The following SNX16 variants were observed in gnomAD, a reference collection of about 807,000 sequenced individuals.
SNX16 encodes sorting nexin-16.
SNX16 carries 35 observed loss-of-function variants against 36.7 expected under a neutral mutation model. The ratio of observed to expected loss-of-function variants is 0.95; its 90% CI spans 0.73 to 1.27. SNX16 has a LOEUF of 1.27. Ranked by LOEUF, SNX16 falls within the 50% of genes most tolerant of loss-of-function variation. The pLI is 0.00. For synonymous variants in SNX16, 134 were observed against 132.0 expected (o/e 1.02, Z -0.10); for missense variants, 367 against 393.6 (o/e 0.93, Z 0.57).
At chr8:81,809,561 G>A (rs1810127954) in intron 5 of SNX16, among the ~76,000 whole-genome samples, 1 of 152,038 alleles carries the variant, frequency 6.6e-6, no homozygotes, top group African/African-American at 2.4e-5. Flanking sequence ...ATGTGACAAA[G>A]AATGTGCAGC....
chr8:81,808,401 G>C (rs1167088702), intron 5 of SNX16: 1 of 1,246,188 alleles, frequency 8.0e-7, no homozygotes, highest in Non-Finnish European at 1.2e-6. Context: ...AGGTGTTTTC[G>C]GTGGGAATGA....
intron 4 of SNX16, among the ~76,000 whole-genome samples, chr8:81,818,632 A>G (rs999812066): frequency 1.3e-5 from 2 of 152,148 alleles, no homozygotes; most frequent in Non-Finnish European, 2.9e-5. Flanking sequence ...TGAAATGACA[A>G]GTAACTTTTT....
Position 81,801,068 on chromosome 8 carries a change from A to G in SNX16, c.*429T>C, listed in dbSNP as rs1809663926. 6.6e-6 allele frequency: 1 copy of G among 152,384 alleles called. No homozygotes were observed. The highest frequency in any genetic ancestry group is 2.4e-5 in the African/African-American group (1 of 41,454). 9.4% of individuals were successfully genotyped at this position (152,384 alleles called of 1,614,324 possible). ...GGTCACTGATTTAAACTATTAATGA[A>G]AATATGTCATGTCAGAGATATAAAG... On this transcript the variant is annotated 3_prime_UTR_variant, in exon 8 of 8. Transcript: ENST00000345957.
intron 4 of SNX16, 162 bp from the exon 5 acceptor site, chr8:81,815,556 A>C (rs2130660276): frequency 4.1e-6 from 2 of 491,410 alleles, no homozygotes; most frequent in East Asian, 6.7e-5. Flanking sequence ...AGATGCAAAG[A>C]TCTTAAGGTG....
intron 5 of SNX16, among the ~76,000 whole-genome samples, chr8:81,809,782 A>T (rs1290516292): frequency 6.6e-6 from 1 of 152,234 alleles, no homozygotes; most frequent in Non-Finnish European, 1.5e-5. Context: ...TATGCAGTGA[A>T]GTTGAAGAGG....
At chr8:81,802,638 G>T in intron 6 of SNX16, 139 bp from the exon 7 acceptor site, 1 of 571,228 alleles carries the variant, frequency 1.8e-6, no homozygotes, top group Non-Finnish European at 2.8e-6. Context: ...AGCTCACTTT[G>T]GAAGTCAACA....
chr8:81,829,818 A>T (rs903185250), intron 2 of SNX16, among the ~76,000 whole-genome samples: 2 of 152,174 alleles, frequency 1.3e-5, no homozygotes, highest in African/African-American at 2.4e-5. Context: ...AAAATTGATT[A>T]AAAAATTATA....
At chr8:81,815,419 T>C (rs1316460889) in intron 4 of SNX16, 25 bp from the exon 5 acceptor site, 1 of 1,599,972 alleles carries the variant, frequency 6.3e-7, no homozygotes, top group Non-Finnish European at 8.5e-7. Context: ...AAAAAAATGA[T>C]CTGAAGTACA....
intron 3 of SNX16, 140 bp downstream of exon 3, chr8:81,829,290 A>AAAATTTTTTATAAAAATTTTTATTTTT (rs1811144747): frequency 2.0e-5 from 4 of 201,854 alleles, no homozygotes; most frequent in East Asian, 1.2e-4. Flanking sequence ...TTTTTATTTT[A>AAAATTTTTTATAAAAATTTTTATTTTT]AAAATTTATT....
chr8:81,808,871 T>C, intron 5 of SNX16: 1 of 667,284 alleles, frequency 1.5e-6, no homozygotes, highest in Non-Finnish European at 2.7e-6. Context: ...TTTAGACAAA[T>C]ACTCATGTGC....
chr8:81,819,881 T>A (rs1022116355), intron 4 of SNX16, among the ~76,000 whole-genome samples: 1 of 152,092 alleles, frequency 6.6e-6, no homozygotes, highest in Non-Finnish European at 1.5e-5. Context: ...TGTTAAGAGT[T>A]GGAGAATATG....
intron 5 of SNX16, among the ~76,000 whole-genome samples, chr8:81,809,744 A>G (rs1194828583): frequency 2.6e-5 from 4 of 152,236 alleles, no homozygotes; most frequent in African/African-American, 7.2e-5. Context: ...ACAAACTGAT[A>G]TAACAAATTT....
At chr8:81,832,043 A>C (rs1586016693) in intron 2 of SNX16, among the ~76,000 whole-genome samples, 1 of 152,222 alleles carries the variant, frequency 6.6e-6, no homozygotes, top group East Asian at 1.9e-4. Context: ...CCCATTTGAC[A>C]CAGCAATCCC....
At chr8:81,816,176 A>ATTTTTTT (rs1412960282) in intron 4 of SNX16, among the ~76,000 whole-genome samples, 3 of 127,132 alleles carry the variant, frequency 2.4e-5, no homozygotes, top group East Asian at 2.6e-4. Flanking sequence ...TTTACAAAGG[A>ATTTTTTT]TTTTCTTTTT....
intron 3 of SNX16, among the ~76,000 whole-genome samples, chr8:81,824,255 T>A (rs76013427): frequency 0.021 from 3,160 of 152,290 alleles, 108 homozygotes; most frequent in African/African-American, 0.072. Flanking sequence ...TGAAGTTGAA[T>A]ATCTTCTCAT....
chr8:81,820,618 T>C (rs748001311), intron 4 of SNX16, among the ~76,000 whole-genome samples: 5,174 of 152,012 alleles, frequency 0.034, 144 homozygotes, highest in Non-Finnish European at 0.052. Context: ...GTTTCTGACT[T>C]ATATCCATTT....
chr8:81,821,563 T>G (rs1464390067), intron 4 of SNX16, among the ~76,000 whole-genome samples: 2 of 152,120 alleles, frequency 1.3e-5, no homozygotes, highest in Non-Finnish European at 2.9e-5. Context: ...TGGTTTTTAT[T>G]CCTGCTTTGT....
chr8:81,801,576 C>T lies in SNX16; in HGVS notation c.956G>A (p.Cys319Tyr), dbSNP rs753432649. ...ATTTTCAGGTTCACTAAAACTTAAG[C>T]ATGGTTTATTATCAGCTCTGCAAAA... is the stretch of plus-strand genomic sequence containing the variant. ...DEESRADNKP[C>Y]LSFSEPENAV... Residue 319 changes from cysteine (C) to tyrosine (Y), a missense_variant, in exon 8 of 8, where the codon TGC becomes TAC. Cys to Tyr is a radical substitution (Grantham distance 194). Transcript: ENST00000345957. The T allele has an allele frequency of 1.3e-6, 2 of 1,512,750 alleles. No homozygotes were observed. The highest frequency in any genetic ancestry group is 1.9e-5 in the Admixed American group (1 of 53,000). The allele number at this position is 1,512,750 out of a possible 1,614,324, so 93.7% of individuals were successfully genotyped here.
intron 2 of SNX16, among the ~76,000 whole-genome samples, chr8:81,830,864 T>C (rs138249850): frequency 1.8e-3 from 276 of 152,236 alleles, no homozygotes; most frequent in Middle Eastern, 3.4e-3. Context: ...GACTTCAAAT[T>C]ATATTACAAG....
Sources: gnomAD v4.1 joint callset for allele counts (sites outside exome capture counted in the v4.1 genomes callset) on GRCh38, gnomAD v4.1.1 for gene constraint, MANE v1.5 for transcripts, NCBI Gene and HGNC (gene_info 2026-07-23, HGNC 2026-07-21) for gene names.